The following DCPS variants were observed in gnomAD, a reference collection of about 807,000 sequenced individuals.
DCPS encodes the protein decapping enzyme, scavenger.
A neutral mutation model predicts 34.7 loss-of-function variants in DCPS; 27 were observed. That is an observed-to-expected ratio of 0.78 (90% CI 0.57 to 1.07). The LOEUF is 1.07. Among genes scored for constraint, DCPS ranks in the 50% least tolerant of loss-of-function variants. The probability of loss-of-function intolerance (pLI) is 0.00; values close to 1 mark genes in which losing one functional copy is unlikely to be tolerated. For synonymous variants in DCPS, 185 were observed against 185.7 expected, an observed-to-expected ratio of 1.00 and a Z score of 0.03; for missense variants, 464 against 436.9, an observed-to-expected ratio of 1.06 and a Z score of -0.55.
chr11:126,311,448 G>A (rs1466020362), intron 2 of DCPS, among the ~76,000 whole-genome samples: 1 of 152,242 alleles, frequency 6.6e-6, no homozygotes, highest in East Asian at 1.9e-4. Context: ...TGTCTTTGCA[G>A]TTCTAGTGGG....
Position 126,315,063 on chromosome 11 carries a change from C to G in DCPS, c.376+8319C>G, listed in dbSNP as rs980466025. Among the ~76,000 whole-genome samples the G allele has an allele frequency of 6.6e-6, 1 of 151,954 alleles. No homozygotes were observed. The highest frequency in any genetic ancestry group is 2.4e-5 in the African/African-American group (1 of 41,284). Reference sequence around the variant, plus strand: ...TTCATTGTAGAGCTATTCATGATAGCAAAGACATGGAATCAACCTAAATGC... The same window carrying G: ...TTCATTGTAGAGCTATTCATGATAGGAAAGACATGGAATCAACCTAAATGC... On this transcript the variant is annotated intron_variant, in intron 2 of 5. Transcript: ENST00000263579. This position sits in a 1 kb window ranked among gnomAD's most constrained non-coding sequence, Gnocchi z 6.1.
rs1224331850 is a variant in DCPS at position 126,347,031 on chromosome 11, C to T, written c.*1418C>T. The stretch of plus-strand genomic sequence containing the variant: ...CTTGAACCCGGGAGGCGGAGGTTGC[C>T]GTGAGCCACCGCACTTTGGCCTGGG... On this transcript the variant is annotated 3_prime_UTR_variant, in exon 6 of 6. Transcript: ENST00000263579. This position sits in a 1 kb window ranked among gnomAD's most constrained non-coding sequence, Gnocchi z 4.2. Among the ~76,000 whole-genome samples the T allele has an allele frequency of 6.6e-6, 1 of 151,622 alleles. No individual in the cohort carries two copies. The highest frequency in any genetic ancestry group is 2.4e-5 in the African/African-American group (1 of 41,282).
At position 126,335,788 on chromosome 11, in the gene DCPS, G is replaced by C. The variant is rs765113586; in HGVS notation, c.523-2498G>C. Among the ~76,000 whole-genome samples the C allele has an allele frequency of 6.6e-6, 1 of 152,170 alleles. No individual in the cohort carries two copies. The highest frequency in any genetic ancestry group is 1.5e-5 in the Non-Finnish European group (1 of 68,026). On this transcript the variant is annotated intron_variant, in intron 3 of 5. Transcript: ENST00000263579. This position sits in a 1 kb window ranked among gnomAD's most constrained non-coding sequence, Gnocchi z 4.8. ...AAAAATACAAAAATTAGCTGGGTGT[G>C]GTGGCACACGCCTGTAATCCCAGCT...
rs553628305 is a variant in DCPS at position 126,312,513 on chromosome 11, G to C, written c.376+5769G>C. On this transcript the variant is annotated intron_variant, in intron 2 of 5. Transcript: ENST00000263579. This position sits in a 1 kb window ranked among gnomAD's most constrained non-coding sequence, Gnocchi z 5.1. ...GCCACCACACCCAGCTAATTTTTTT[G>C]TATTTTTAATAGAGATGGGTTTTCA... 6.6e-6 allele frequency among the ~76,000 whole-genome samples: 1 copy of C among 151,644 alleles called. No homozygotes were observed. Among genetic ancestry groups the C allele is most frequent in the Non-Finnish European group, 1.5e-5 (1 of 67,920 alleles).
chr11:126,343,171 G>C (rs1951889698), intron 4 of DCPS, 136 bp from the exon 5 acceptor site: 2 of 671,662 alleles, frequency 3.0e-6, no homozygotes, highest in South Asian at 1.7e-5. Context: ...GGGGTATGCA[G>C]ATGCCCTGCG....
rs989263521 is a variant in DCPS, at chr11:126,343,321, C to G, written c.651C>G (p.Tyr217Ter). Residue 217 changes from tyrosine to a stop codon, truncating the protein, a stop_gained, in exon 5 of 6, where the codon TAC becomes TAG. Coordinates refer to ENST00000263579, the MANE Select transcript of DCPS (RefSeq NM_014026.6). LOFTEE classifies it high-confidence loss of function. Reference protein sequence around the residue: ...KWNQQQLDDLYLIAICHRRGI... With the variant: ...KWNQQQLDDL ...TCTCTACGCAGCTCGATGACTTGTACTTGATCGCCATCTGCCATCGCCGGG... is the reference window on the plus strand; with the variant it reads ...TCTCTACGCAGCTCGATGACTTGTAGTTGATCGCCATCTGCCATCGCCGGG... The G allele has an allele frequency of 2.5e-6, 4 of 1,613,620 alleles. No individual in the cohort carries two copies. In the African/African-American group the frequency reaches 5.3e-5, roughly 22 times the overall value.
At chr11:126,314,176 G>A (rs982754796) in intron 2 of DCPS, among the ~76,000 whole-genome samples, 12 of 152,248 alleles carry the variant, frequency 7.9e-5, no homozygotes, top group East Asian at 3.9e-4. Context: ...TAGCTCCCAC[G>A]TATAAGTAAG....
chr11:126,316,847 G>C lies in DCPS; in HGVS notation c.376+10103G>C, dbSNP rs999244971. ...TTTTTTGTATTTTTAGTAGAGACAG[G>C]GTTTCACCTTGTTGGCCAGGCTGGT... On this transcript the variant is annotated intron_variant, in intron 2 of 5. Coordinates refer to ENST00000263579, the MANE Select transcript of DCPS (RefSeq NM_014026.6). Among the ~76,000 whole-genome samples, 143 of 151,552 alleles carry C rather than the reference G, an allele frequency of 9.4e-4. 1 individual carries two copies. Among genetic ancestry groups the C allele is most frequent in the African/African-American group, 3.3e-3 (134 of 41,208 alleles).
chr11:126,306,869 C>T, intron 2 of DCPS, 125 bp downstream of exon 2: 1 of 1,160,618 alleles, frequency 8.6e-7, no homozygotes, highest in East Asian at 2.7e-5. Flanking sequence ...AGATTACTTC[C>T]CTAGGGGACA....
intron 4 of DCPS, among the ~76,000 whole-genome samples, chr11:126,339,127 GCA>G (rs1157796554): frequency 6.6e-6 from 1 of 152,218 alleles, no homozygotes; most frequent in East Asian, 1.9e-4. Context: ...CCACTGTGTT[GCA>G]GAGAGTGCTG....
At position 126,348,606 on chromosome 11, in the gene DCPS, T is replaced by C. The variant is rs1443098514; in HGVS notation, c.*2993T>C. ...AAGTCCTGTTGAGACTCCAAAAGCATAGTCTGTCTTTATTAGGGTGACCTT... is the reference window on the plus strand; with the variant it reads ...AAGTCCTGTTGAGACTCCAAAAGCACAGTCTGTCTTTATTAGGGTGACCTT... On this transcript the variant is annotated 3_prime_UTR_variant, in exon 6 of 6. Transcript: ENST00000263579. This position sits in a 1 kb window ranked among gnomAD's most constrained non-coding sequence, Gnocchi z 5.3. Among the ~76,000 whole-genome samples, 2 of 152,240 alleles carry C rather than the reference T, an allele frequency of 1.3e-5. No homozygotes were observed. Among genetic ancestry groups the C allele is most frequent in the African/African-American group, 4.8e-5 (2 of 41,472 alleles).
chr11:126,340,888 CTTT>C (rs574943042), intron 4 of DCPS: 1 of 151,640 alleles, frequency 6.6e-6, no homozygotes, highest in Non-Finnish European at 1.5e-5. Flanking sequence ...CCTGTGTGTT[CTTT>C]TTTTTTATTT....
intron 2 of DCPS, among the ~76,000 whole-genome samples, chr11:126,321,340 C>T (rs1316447060): frequency 6.6e-6 from 1 of 151,770 alleles, no homozygotes; most frequent in Non-Finnish European, 1.5e-5. Flanking sequence ...GGTCAGGGCA[C>T]TGAGGTGTGG....
rs1298052417 is a variant in DCPS at position 126,347,947 on chromosome 11, A to G, written c.*2334A>G. 1.3e-5 allele frequency among the ~76,000 whole-genome samples: 2 copies of G among 152,104 alleles called. No homozygotes were observed. The highest frequency in any genetic ancestry group is 4.8e-5 in the African/African-American group (2 of 41,436). The stretch of plus-strand genomic sequence containing the variant: ...TGGAGCAGCCCTTCCCTGTGGCCTC[A>G]GCCCATGCCCTCCTGCCCAGCCCCC... On this transcript the variant is annotated 3_prime_UTR_variant, in exon 6 of 6. Coordinates refer to ENST00000263579, the MANE Select transcript of DCPS (RefSeq NM_014026.6). This position sits in a 1 kb window ranked among gnomAD's most constrained non-coding sequence, Gnocchi z 4.2.
In DCPS at chr11:126,329,559, C is replaced by T. The variant is rs1022463647; in HGVS notation, c.377-1846C>T. 3.3e-5 allele frequency among the ~76,000 whole-genome samples: 5 copies of T among 152,180 alleles called. No individual in the cohort carries two copies. Among genetic ancestry groups the T allele is most frequent in the Admixed American group, 2.6e-4 (4 of 15,272 alleles). ...GGGATGTTTGATGGGACAGAAGCCA[C>T]GTGCCTGGTATGTCATCTCTGTGCA... On this transcript the variant is annotated intron_variant, in intron 2 of 5. Transcript: ENST00000263579. This position sits in a 1 kb window ranked among gnomAD's most constrained non-coding sequence, Gnocchi z 5.0.
rs1437766221 is a variant in DCPS at position 126,337,513 on chromosome 11, G to A, written c.523-773G>A. 1.3e-5 allele frequency: 2 copies of A among 152,308 alleles called. No individual in the cohort carries two copies. The highest frequency in any genetic ancestry group is 2.9e-5 in the Non-Finnish European group (2 of 68,126). The allele number at this position is 152,308 out of a possible 1,614,324, so 9.4% of individuals were successfully genotyped here. Reference sequence around the variant, plus strand: ...AATGTCCTTGGGTCAACACAGGCCTGGGAAAGGTCCTCTGCAGACTGTTGA... The same window carrying A: ...AATGTCCTTGGGTCAACACAGGCCTAGGAAAGGTCCTCTGCAGACTGTTGA... On this transcript the variant is annotated intron_variant, in intron 3 of 5. Coordinates refer to ENST00000263579, the MANE Select transcript of DCPS (RefSeq NM_014026.6). This position sits in a 1 kb window ranked among gnomAD's most constrained non-coding sequence, Gnocchi z 5.3.
chr11:126,331,425 TACCCTGCCACAGAGAA>T lies in DCPS; in HGVS notation c.400_415del (p.Pro134ThrfsTer12), dbSNP rs751226764. The T allele has an allele frequency of 6.2e-7, 1 of 1,614,120 alleles. No individual in the cohort carries two copies. Among genetic ancestry groups the T allele is most frequent in the East Asian group, 2.2e-5 (1 of 44,870 alleles). The stretch of plus-strand genomic sequence containing the variant: ...TGCAGATGTAAAGACGACCGTGGTT[TACCCTGCCACAGAGAA>T]ACACCTGCAGAAGTACCTGCGCCAG... On this transcript the variant is annotated frameshift_variant, in exon 3 of 6. Coordinates refer to ENST00000263579, the MANE Select transcript of DCPS (RefSeq NM_014026.6). LOFTEE classifies it high-confidence loss of function. This position sits in a 1 kb window ranked among gnomAD's most constrained non-coding sequence, Gnocchi z 7.2.
chr11:126,318,961 A>G (rs1453987825), intron 2 of DCPS, among the ~76,000 whole-genome samples: 1 of 152,182 alleles, frequency 6.6e-6, no homozygotes. Context: ...ACTTTCCTCT[A>G]GATAGCCCTG....
In DCPS at chr11:126,339,795, G is replaced by GGTCCCTTGT. The variant is rs1336275143; in HGVS notation, c.636+1397_636+1405dup. 2.6e-5 allele frequency among the ~76,000 whole-genome samples: 4 copies of GGTCCCTTGT among 152,280 alleles called. No individual in the cohort carries two copies. In the East Asian group the frequency reaches 7.7e-4, roughly 29 times the overall value. On this transcript the variant is annotated intron_variant, in intron 4 of 5. Transcript: ENST00000263579. ...GGCATTTGAAGAGGTAGGACCTGAT[G>GGTCCCTTGT]GTCCCTTGTCTCAAACTGAGTGGTG...
Sources: allele counts gnomAD v4.1 joint callset (sites outside exome capture counted in the v4.1 genomes callset), GRCh38; gene constraint gnomAD v4.1.1; non-coding constraint Gnocchi (gnomAD v3.1); transcripts MANE v1.5; gene names NCBI Gene and HGNC (gene_info 2026-07-23, HGNC 2026-07-21).